The following RGS7BP variants were observed in gnomAD, a reference collection of about 807,000 sequenced individuals.
RGS7BP encodes regulator of G protein signaling 7 binding protein, also known as regulator of G protein signaling 7-binding protein.
RGS7BP carries 9 observed loss-of-function variants against 31.3 expected under a neutral mutation model. The observed-to-expected ratio is 0.29, with a 90% CI of 0.17 to 0.50. The LOEUF (loss-of-function observed/expected upper bound fraction) is 0.50, where lower values mean the gene tolerates loss of function less well. Ranked by LOEUF, RGS7BP falls within the 20% of genes least tolerant of loss-of-function variation. RGS7BP has a pLI of 0.98. For synonymous variants in RGS7BP, 115 were observed against 120.1 expected, an observed-to-expected ratio of 0.96 and a Z score of 0.28; for missense variants, 274 against 322.0, an observed-to-expected ratio of 0.85 and a Z score of 1.14.
At chr5:64,556,850 G>A (rs1229316956) in intron 2 of RGS7BP, among the ~76,000 whole-genome samples, 2 of 151,862 alleles carry the variant, frequency 1.3e-5, no homozygotes, top group African/African-American at 4.8e-5. Context: ...GCCTCTGTGT[G>A]TGTAAAAGAA....
At chr5:64,607,593 A>T (rs1743396884) in intron 5 of RGS7BP, among the ~76,000 whole-genome samples, 1 of 152,066 alleles carries the variant, frequency 6.6e-6, no homozygotes, top group Non-Finnish European at 1.5e-5. Context: ...ATAGGGGGTT[A>T]TGGAGACCAA....
intron 2 of RGS7BP, among the ~76,000 whole-genome samples, chr5:64,575,283 T>C (rs10067169): frequency 0.79 from 120,565 of 152,088 alleles, 48,137 homozygotes; most frequent in Admixed American, 0.83. Flanking sequence ...AAAGGAAGAA[T>C]CTTTAGACTG....
At chr5:64,508,006 C>T in intron 2 of RGS7BP, 129 bp downstream of exon 2, 1 of 760,136 alleles carries the variant, frequency 1.3e-6, no homozygotes, top group Non-Finnish European at 2.1e-6. Flanking sequence ...TCGAAATTCT[C>T]TAGAGAGCTA....
At position 64,610,611 on chromosome 5, in the gene RGS7BP, C is replaced by T. The variant is rs147278359; in HGVS notation, c.*1359C>T. ...ACACATCTTTAGTCCCAACCCTGTT[C>T]TTTACCAATACTTATGTGCACAGGC... On this transcript the variant is annotated 3_prime_UTR_variant, in exon 6 of 6. Coordinates refer to ENST00000334025, the MANE Select transcript of RGS7BP (RefSeq NM_001029875.3). 6.6e-6 allele frequency: 1 copy of T among 152,070 alleles called. No individual in the cohort carries two copies. Among genetic ancestry groups the T allele is most frequent in the East Asian group, 1.9e-4 (1 of 5,160 alleles). 9.4% of individuals were successfully genotyped at this position (152,070 alleles called of 1,614,324 possible). A position where few individuals can be genotyped will look rare whatever the true frequency, so the allele number is the denominator to read the frequency against.
intron 2 of RGS7BP, among the ~76,000 whole-genome samples, chr5:64,546,211 T>C (rs555541344): frequency 6.6e-6 from 1 of 152,008 alleles, no homozygotes; most frequent in South Asian, 2.1e-4. Flanking sequence ...AAACCCCTTC[T>C]CTACTAAAAA....
intron 5 of RGS7BP, among the ~76,000 whole-genome samples, chr5:64,599,204 A>G (rs1322366478): frequency 6.6e-6 from 1 of 152,250 alleles, no homozygotes; most frequent in African/African-American, 2.4e-5. Flanking sequence ...GACTGACGAC[A>G]TGTACAAAGG....
intron 2 of RGS7BP, among the ~76,000 whole-genome samples, chr5:64,567,337 TACA>T (rs1742195537): frequency 6.6e-6 from 1 of 152,146 alleles, no homozygotes; most frequent in African/African-American, 2.4e-5. Context: ...TCTATAACTA[TACA>T]ACTTGTCATA....
At chr5:64,538,546 C>CTTTTTTTTTTTTTTTTTTCTTTTTTTT (rs1741443306) in intron 2 of RGS7BP, among the ~76,000 whole-genome samples, 4 of 40,032 alleles carry the variant, frequency 1.0e-4, no homozygotes, top group East Asian at 1.1e-3. Flanking sequence ...TTTTCCTTTT[C>CTTTTTTTTTTTTTTTTTTCTTTTTTTT]TTTTTTTTTT....
At chr5:64,598,526 C>T (rs1743135901) in intron 5 of RGS7BP, 91 bp downstream of exon 5, 3 of 827,622 alleles carry the variant, frequency 3.6e-6, no homozygotes, top group Non-Finnish European at 6.4e-6. Context: ...ATGTGTCTCA[C>T]ACAAACAGTA....
At chr5:64,509,305 A>G (rs1433536093) in intron 2 of RGS7BP, among the ~76,000 whole-genome samples, 1 of 152,200 alleles carries the variant, frequency 6.6e-6, no homozygotes, top group African/African-American at 2.4e-5. Flanking sequence ...TTTTCTCTCA[A>G]GGCTAAGGAG....
intron 3 of RGS7BP, among the ~76,000 whole-genome samples, chr5:64,589,752 C>A (rs1240640969): frequency 6.6e-6 from 1 of 151,654 alleles, no homozygotes; most frequent in African/African-American, 2.4e-5. Context: ...ACAGTAAGAC[C>A]CCATTTCTAC....
chr5:64,570,714 C>T (rs1742282680), intron 2 of RGS7BP, among the ~76,000 whole-genome samples: 2 of 152,134 alleles, frequency 1.3e-5, no homozygotes, highest in African/African-American at 2.4e-5. Flanking sequence ...TTAATTTATC[C>T]CATGTAATTA....
At chr5:64,523,426 A>G (rs1407962590) in intron 2 of RGS7BP, among the ~76,000 whole-genome samples, 1 of 152,234 alleles carries the variant, frequency 6.6e-6, no homozygotes, top group Non-Finnish European at 1.5e-5. Context: ...GGCCCATAGA[A>G]AAATTTGCTG....
At chr5:64,518,237 A>T (rs758030620) in intron 2 of RGS7BP, among the ~76,000 whole-genome samples, 1 of 152,094 alleles carries the variant, frequency 6.6e-6, no homozygotes, top group Non-Finnish European at 1.5e-5. Context: ...GGGAAAATAG[A>T]TTCATGCCCA....
intron 2 of RGS7BP, among the ~76,000 whole-genome samples, chr5:64,549,813 G>A (rs1741746562): frequency 6.6e-6 from 1 of 151,986 alleles, no homozygotes; most frequent in Non-Finnish European, 1.5e-5. Context: ...CTCAAGTTCT[G>A]GTTTCTTTTT....
chr5:64,529,224 C>A (rs890123756), intron 2 of RGS7BP, among the ~76,000 whole-genome samples: 26 of 152,240 alleles, frequency 1.7e-4, no homozygotes, highest in Admixed American at 3.9e-4. Context: ...TAGAATATTT[C>A]ATTTCAGAAA....
At chr5:64,609,056 T>C in intron 5 of RGS7BP, 105 bp from the exon 6 acceptor site, 1 of 762,766 alleles carries the variant, frequency 1.3e-6, no homozygotes, top group Non-Finnish European at 2.4e-6. Context: ...AGTGCTGAGG[T>C]TGAGAAATCC....
intron 2 of RGS7BP, among the ~76,000 whole-genome samples, chr5:64,541,779 G>T (rs2111812132): frequency 6.6e-6 from 1 of 151,700 alleles, no homozygotes; most frequent in South Asian, 2.1e-4. Context: ...TTTACTCAGT[G>T]TACTAAATCC....
intron 2 of RGS7BP, among the ~76,000 whole-genome samples, chr5:64,516,716 A>G (rs1240161551): frequency 1.3e-5 from 2 of 152,196 alleles, no homozygotes; most frequent in Non-Finnish European, 2.9e-5. Context: ...TTTAACAAGC[A>G]CCACTGCATC....
Sources: allele counts gnomAD v4.1 joint callset (sites outside exome capture counted in the v4.1 genomes callset), GRCh38; gene constraint gnomAD v4.1.1; transcripts MANE v1.5; gene names NCBI Gene and HGNC (gene_info 2026-07-23, HGNC 2026-07-21).